The following NPAS2 variants were observed in gnomAD, a reference collection of about 807,000 sequenced individuals.
The protein encoded by NPAS2 is neuronal PAS domain-containing protein 2.
NPAS2 carries 23 observed loss-of-function variants against 107.5 expected under a neutral mutation model. The observed-to-expected ratio is 0.21, with a 90% confidence interval of 0.15 to 0.30. The LOEUF is 0.30. Ranked by LOEUF, NPAS2 falls within the 10% of genes least tolerant of loss-of-function variation. NPAS2 has a pLI of 1.00. For missense variants in NPAS2, 756 were observed against 1,043.3 expected (o/e 0.72, Z 3.79); for synonymous variants, 403 against 417.5 (o/e 0.97, Z 0.42).
At position 100,914,527 on chromosome 2, in the gene NPAS2, A is replaced by G. The variant is rs545148558; in HGVS notation, c.32+9741A>G. Reference sequence around the variant, plus strand: ...GTGATACACTAATACCAAGGGAAGAAGGGCCTGCCCAGTTCGTCTGTCATT... The same window carrying G: ...GTGATACACTAATACCAAGGGAAGAGGGGCCTGCCCAGTTCGTCTGTCATT... On this transcript the variant is annotated intron_variant, in intron 2 of 20. Coordinates refer to ENST00000335681, the MANE Select transcript of NPAS2 (RefSeq NM_002518.4). Among the ~76,000 whole-genome samples, 173 of 152,320 alleles carry G rather than the reference A, an allele frequency of 1.1e-3. 1 individual carries two copies. In the South Asian group the frequency reaches 0.016, roughly 14 times the overall value.
intron 1 of NPAS2, among the ~76,000 whole-genome samples, chr2:100,890,252 G>A (rs1196641872): frequency 6.6e-6 from 1 of 152,206 alleles, no homozygotes; most frequent in African/African-American, 2.4e-5. Flanking sequence ...CTGTGTCCAG[G>A]GAGCAGGCTG....
intron 12 of NPAS2, among the ~76,000 whole-genome samples, chr2:100,973,945 C>G (rs1391024845): frequency 6.6e-6 from 1 of 152,158 alleles, no homozygotes; most frequent in Non-Finnish European, 1.5e-5. Context: ...AAGTTCAAAC[C>G]ATTCTCCTGC....
chr2:100,931,644 TCCC>T (rs1247749947), intron 3 of NPAS2, among the ~76,000 whole-genome samples: 2 of 151,906 alleles, frequency 1.3e-5, no homozygotes, highest in Non-Finnish European at 2.9e-5. Flanking sequence ...CCACCACCAC[TCCC>T]GGCTAATATT....
chr2:100,896,913 C>T (rs572943341), intron 1 of NPAS2, among the ~76,000 whole-genome samples: 108 of 152,250 alleles, frequency 7.1e-4, no homozygotes, highest in Non-Finnish European at 1.3e-3. Context: ...AGTCCATTCT[C>T]ATGCTGCTAT....
rs190732615 is a variant in NPAS2 at position 100,942,692 on chromosome 2, G to A, written c.363+4850G>A. Among the ~76,000 whole-genome samples the A allele has an allele frequency of 2.1e-4, 32 of 152,166 alleles. 1 individual carries two copies. The East Asian group carries it at 4.6e-3, about 22-fold the overall frequency. On this transcript the variant is annotated intron_variant, in intron 5 of 20. Coordinates refer to ENST00000335681, the MANE Select transcript of NPAS2 (RefSeq NM_002518.4). ...CCTGTCTGCCCCTTTTTCGTCACAC[G>A]TCCACCTTCCACTTGGAGGCAACCA...
At chr2:100,971,194 G>A in intron 12 of NPAS2, 120 bp downstream of exon 12, 1 of 862,986 alleles carries the variant, frequency 1.2e-6, no homozygotes, top group Non-Finnish European at 1.8e-6. Context: ...AGCTATTCAG[G>A]AGGCTGAGGT....
chr2:100,843,924 A>G (rs1338576806), intron 1 of NPAS2, among the ~76,000 whole-genome samples: 1 of 152,146 alleles, frequency 6.6e-6, no homozygotes, highest in Non-Finnish European at 1.5e-5. Context: ...GAATTCCAGC[A>G]CCCATGTCCT....
rs990302193 is a variant in NPAS2 at position 100,892,256 on chromosome 2, C to T, written c.-22-12477C>T. 1.7e-4 allele frequency among the ~76,000 whole-genome samples: 26 copies of T among 152,260 alleles called. No individual in the cohort carries two copies. The South Asian group carries it at 2.5e-3, about 15-fold the overall frequency. On this transcript the variant is annotated intron_variant, in intron 1 of 20. Coordinates refer to ENST00000335681, the MANE Select transcript of NPAS2 (RefSeq NM_002518.4). ...TCTTGAGAATTATTTGCTGACCAAA[C>T]GATGTTACGGTACATTTACTTAATA...
At chr2:100,830,132 T>A (rs1329526913) in intron 1 of NPAS2, among the ~76,000 whole-genome samples, 1 of 152,092 alleles carries the variant, frequency 6.6e-6, no homozygotes, top group Non-Finnish European at 1.5e-5. Flanking sequence ...ATCCCAAATA[T>A]CCTAACGCGA....
At chr2:100,951,732 A>G (rs1675233191) in intron 7 of NPAS2, among the ~76,000 whole-genome samples, 1 of 152,194 alleles carries the variant, frequency 6.6e-6, no homozygotes, top group South Asian at 2.1e-4. Context: ...GCAGGATGAA[A>G]GGAGTCCTTG....
At chr2:100,889,129 T>C (rs946908403) in intron 1 of NPAS2, among the ~76,000 whole-genome samples, 23 of 152,204 alleles carry the variant, frequency 1.5e-4, no homozygotes, top group African/African-American at 5.3e-4. Context: ...CCAGATGACC[T>C]AGAGATGACA....
intron 2 of NPAS2, among the ~76,000 whole-genome samples, chr2:100,913,639 C>A (rs1179944657): frequency 3.9e-5 from 6 of 152,118 alleles, no homozygotes; most frequent in African/African-American, 1.4e-4. Context: ...GTTTTTCCCC[C>A]CTCTTTTCTC....
In NPAS2 at chr2:100,990,815, C is replaced by T; in HGVS notation, c.2054C>T (p.Pro685Leu). The T allele has an allele frequency of 6.2e-7, 1 of 1,614,190 alleles. No homozygotes were observed. The highest frequency in any genetic ancestry group is 8.5e-7 in the Non-Finnish European group (1 of 1,180,034). ...LLSQPIQPMM[P>L]GSCDARQPSE... The stretch of plus-strand genomic sequence containing the variant: ...AGCCAGCCCATCCAGCCCATGATGC[C>T]CGGGTCCTGTGACGCAAGGCAGCCC... Residue 685 changes from proline (P) to leucine (L), a missense_variant, in exon 19 of 21, where the codon CCC becomes CTC. Pro to Leu is a moderately conservative substitution (Grantham distance 98). Around this residue, in one of 4 missense-constraint regions of NPAS2, gnomAD observed 496 missense variants for 594.4 expected, o/e 0.83. Coordinates refer to ENST00000335681, the MANE Select transcript of NPAS2 (RefSeq NM_002518.4).
At chr2:100,947,882 C>T (rs112426949) in intron 5 of NPAS2, among the ~76,000 whole-genome samples, 142 of 152,346 alleles carry the variant, frequency 9.3e-4, no homozygotes, top group African/African-American at 3.3e-3. Flanking sequence ...TGATTGGCCT[C>T]GCACTGGGCG....
At chr2:100,894,757 T>C (rs938470131) in intron 1 of NPAS2, among the ~76,000 whole-genome samples, 1 of 149,146 alleles carries the variant, frequency 6.7e-6, no homozygotes, top group African/African-American at 2.5e-5. Flanking sequence ...CAAGGAAGAG[T>C]CTTTGATGTG....
intron 7 of NPAS2, among the ~76,000 whole-genome samples, chr2:100,957,996 T>G (rs1174137725): frequency 6.6e-6 from 1 of 152,216 alleles, no homozygotes; most frequent in African/African-American, 2.4e-5. Context: ...GATAACTTCA[T>G]GCAAGAAGGC....
chr2:100,873,327 CACACACACACACACATATATACAT>C, intron 1 of NPAS2, among the ~76,000 whole-genome samples: 1 of 132,678 alleles, frequency 7.5e-6, no homozygotes, highest in African/African-American at 3.1e-5. Flanking sequence ...CACACACACA[CACACACACACACACATATATACAT>C]ACACACATAT....
At chr2:100,930,528 T>C (rs777338257) in intron 3 of NPAS2, among the ~76,000 whole-genome samples, 39 of 152,196 alleles carry the variant, frequency 2.6e-4, no homozygotes, top group Non-Finnish European at 4.9e-4. Flanking sequence ...TGGTTTTGTT[T>C]CCCTTGAAAT....
chr2:100,871,167 T>G (rs954000555), intron 1 of NPAS2, among the ~76,000 whole-genome samples: 4 of 152,172 alleles, frequency 2.6e-5, no homozygotes, highest in Non-Finnish European at 4.4e-5. Context: ...AAAGTTTTAT[T>G]GGAACACAGC....
Sources: allele counts gnomAD v4.1 joint callset (sites outside exome capture counted in the v4.1 genomes callset), GRCh38; gene constraint gnomAD v4.1.1; regional missense constraint gnomAD v4.1.1; transcripts MANE v1.5; gene names NCBI Gene and HGNC (gene_info 2026-07-23, HGNC 2026-07-21).